Variants in MPHOSPH8 observed in about 807,000 individuals in gnomAD.
MPHOSPH8 encodes the protein M-phase phosphoprotein 8, also known as M-phase phosphoprotein, mpp.
In MPHOSPH8, 45 loss-of-function variants were observed where a neutral mutation model predicts 87.3. That is an observed-to-expected ratio of 0.52 (90% CI 0.41 to 0.66). The LOEUF is 0.66. MPHOSPH8 is among the 30% of genes least tolerant of loss of function. The pLI is 0.00. For synonymous variants in MPHOSPH8, 366 were observed against 376.9 expected (o/e 0.97, Z 0.33); for missense variants, 883 against 1,020.2 (o/e 0.87, Z 1.83).
Position 19,663,034 on chromosome 13 carries a change from T to C in MPHOSPH8, c.1933-6T>C. 1 of 1,606,264 alleles carries C rather than the reference T, an allele frequency of 6.2e-7. No individual in the cohort carries two copies. The highest frequency in any genetic ancestry group is 8.5e-7 in the Non-Finnish European group (1 of 1,174,424). ...AAATTAAATTTGCCTTTTTTTCTTT[T>C]CATAGAACTTTTTAACAACAGTGGC... On this transcript the variant is annotated splice_region_variant and splice_polypyrimidine_tract_variant and intron_variant, in intron 8 of 13. Transcript: ENST00000361479.
At chr13:19,655,599 G>A (rs1349512442) in intron 5 of MPHOSPH8, among the ~76,000 whole-genome samples, 3 of 152,260 alleles carry the variant, frequency 2.0e-5, no homozygotes, top group African/African-American at 7.2e-5. Flanking sequence ...TCCCAGGCTG[G>A]TCTTGAACTC....
Position 19,673,029 on chromosome 13 carries a change from T to A in MPHOSPH8, c.*1154T>A, listed in dbSNP as rs1876225165. ...CGTGAAAGGCCACTGCACTCCAGCC[T>A]GAGTGACAGAATGAGACCTTGTCTC... On this transcript the variant is annotated 3_prime_UTR_variant, in exon 14 of 14. Transcript: ENST00000361479. 1 of 443,388 alleles carries A rather than the reference T, an allele frequency of 2.3e-6. No individual in the cohort carries two copies. Among genetic ancestry groups the A allele is most frequent in the East Asian group, 7.0e-5 (1 of 14,264 alleles). The allele number at this position is 443,388 out of a possible 1,614,324, so 27.5% of individuals were successfully genotyped here.
At position 19,666,586 on chromosome 13, in the gene MPHOSPH8, G is replaced by A; in HGVS notation, c.2174+7G>A. On this transcript the variant is annotated splice_region_variant and intron_variant, in intron 10 of 13. Coordinates refer to ENST00000361479, the MANE Select transcript of MPHOSPH8 (RefSeq NM_017520.4). The stretch of plus-strand genomic sequence containing the variant: ...TGAAGAACCATTTAGAGACGTAAGT[G>A]AGAAGCGACTGTGCCATAGTTAAGT... The A allele has an allele frequency of 6.4e-7, 1 of 1,572,244 alleles. No homozygotes were observed. Among genetic ancestry groups the A allele is most frequent in the Non-Finnish European group, 8.7e-7 (1 of 1,147,694 alleles).
At chr13:19,649,380 T>C (rs1379021289) in intron 4 of MPHOSPH8, among the ~76,000 whole-genome samples, 1 of 152,174 alleles carries the variant, frequency 6.6e-6, no homozygotes, top group Non-Finnish European at 1.5e-5. Flanking sequence ...GGGTACTCAC[T>C]AGAGTCCAGT....
chr13:19,644,040 A>G (rs916204840), intron 2 of MPHOSPH8, among the ~76,000 whole-genome samples: 2 of 152,234 alleles, frequency 1.3e-5, no homozygotes, highest in Admixed American at 1.3e-4. Flanking sequence ...TCTATTTGAT[A>G]AAGTTCCACA....
chr13:19,661,132 T>A, intron 7 of MPHOSPH8: 1 of 199,470 alleles, frequency 5.0e-6, no homozygotes, highest in Non-Finnish European at 9.0e-6. Flanking sequence ...ACAAAAAAAA[T>A]TGAAGCATTC....
At chr13:19,661,911 G>T in intron 8 of MPHOSPH8, 73 bp downstream of exon 8, 3 of 1,478,020 alleles carry the variant, frequency 2.0e-6, no homozygotes, top group Non-Finnish European at 1.8e-6. Flanking sequence ...GGATCTCTTT[G>T]GTAGTGAAAT....
At chr13:19,635,908 C>G (rs945968252) in intron 1 of MPHOSPH8, among the ~76,000 whole-genome samples, 1 of 152,124 alleles carries the variant, frequency 6.6e-6, no homozygotes, top group Non-Finnish European at 1.5e-5. Flanking sequence ...GCTGTTCTCA[C>G]GATAGTGAGT....
chr13:19,642,964 T>G (rs1874376748), intron 2 of MPHOSPH8, among the ~76,000 whole-genome samples: 1 of 152,170 alleles, frequency 6.6e-6, no homozygotes. Flanking sequence ...CAGCACTGGT[T>G]TAGTAAGTGA....
intron 4 of MPHOSPH8, 92 bp from the exon 5 acceptor site, chr13:19,649,911 T>C (rs753303559): frequency 1.8e-4 from 196 of 1,116,900 alleles, no homozygotes; most frequent in Non-Finnish European, 2.3e-4. Flanking sequence ...TAAGAAAATA[T>C]CTTGTTGCTT....
At chr13:19,645,281 G>T (rs2137508177) in intron 2 of MPHOSPH8, among the ~76,000 whole-genome samples, 2 of 152,304 alleles carry the variant, frequency 1.3e-5, no homozygotes, top group South Asian at 4.2e-4. Flanking sequence ...TTTAGTTTTG[G>T]TAAGGCCTGT....
At chr13:19,647,904 A>G (rs1446516764) in intron 3 of MPHOSPH8, among the ~76,000 whole-genome samples, 2 of 152,178 alleles carry the variant, frequency 1.3e-5, no homozygotes, top group Non-Finnish European at 2.9e-5. Context: ...AGCTGTGCAT[A>G]CATAGTTATT....
At chr13:19,656,683 C>T (rs971376140) in intron 5 of MPHOSPH8, among the ~76,000 whole-genome samples, 10 of 151,858 alleles carry the variant, frequency 6.6e-5, no homozygotes, top group Admixed American at 5.3e-4. Context: ...TCGCTTCAAC[C>T]GGGAAGGCGG....
rs918824375 is a variant in MPHOSPH8, at chr13:19,672,373, A to G, written c.*498A>G. 6.5e-6 allele frequency: 1 copy of G among 153,454 alleles called. No homozygotes were observed. The highest frequency in any genetic ancestry group is 1.4e-5 in the Non-Finnish European group (1 of 69,086). 9.5% of individuals were successfully genotyped at this position (153,454 alleles called of 1,614,324 possible). On this transcript the variant is annotated 3_prime_UTR_variant, in exon 14 of 14. Transcript: ENST00000361479. ...TGGTCAGGCTGGTCTTGAACTCCTG[A>G]CCTCAGGTGATCCGCCCGCCTCGGC...
rs1284313909 is a variant in MPHOSPH8, at chr13:19,663,096, G to A, written c.1989G>A (p.Gln663=). The change falls in exon 9 of 14, where the codon CAG becomes CAA. Residue 663 remains glutamine (Q), a synonymous_variant. Coordinates refer to ENST00000361479, the MANE Select transcript of MPHOSPH8 (RefSeq NM_017520.4). ...LLEAGAFVNV[Q]QSNGETALMK... ...AAGCAGGAGCTTTTGTAAATGTCCA[G>A]CAAAGCAATGGTGAGACTGCACTGA... 2.5e-6 allele frequency: 4 copies of A among 1,613,926 alleles called. No individual in the cohort carries two copies. The highest frequency in any genetic ancestry group is 2.2e-5 in the East Asian group (1 of 44,892).
At chr13:19,648,614 T>C (rs1382676243) in intron 4 of MPHOSPH8, 93 bp downstream of exon 4, 1 of 499,748 alleles carries the variant, frequency 2.0e-6, no homozygotes, top group African/African-American at 2.0e-5. Context: ...ATTTATATAA[T>C]TTTTTTTCCT....
intron 2 of MPHOSPH8, among the ~76,000 whole-genome samples, chr13:19,644,124 CTG>C (rs1874447869): frequency 6.6e-6 from 1 of 151,400 alleles, no homozygotes. Flanking sequence ...ATTTTTTTTT[CTG>C]TGTGGTTATC....
At chr13:19,647,665 C>T (rs1347334142) in intron 3 of MPHOSPH8, among the ~76,000 whole-genome samples, 1 of 152,140 alleles carries the variant, frequency 6.6e-6, no homozygotes, top group Non-Finnish European at 1.5e-5. Context: ...TAATAGGACA[C>T]AAACTACATT....
intron 10 of MPHOSPH8, 125 bp from the exon 11 acceptor site, chr13:19,668,252 A>T: frequency 2.7e-6 from 2 of 743,162 alleles, no homozygotes; most frequent in South Asian, 3.7e-5. Context: ...AGAGCTGGAA[A>T]GCGGAGGCAG....
Sources: gnomAD v4.1 joint callset for allele counts (sites outside exome capture counted in the v4.1 genomes callset) on GRCh38, gnomAD v4.1.1 for gene constraint, MANE v1.5 for transcripts, NCBI Gene and HGNC (gene_info 2026-07-23, HGNC 2026-07-21) for gene names.